PTK2: variants seen among roughly 807,000 people sequenced by gnomAD.
PTK2 encodes protein tyrosine kinase 2.
A neutral mutation model predicts 150.1 loss-of-function variants in PTK2; 45 were observed. That is an observed-to-expected ratio of 0.30 (90% confidence interval 0.24 to 0.38). The LOEUF is 0.38. Ranked by LOEUF, PTK2 falls within the 10% of genes least tolerant of loss-of-function variation. The pLI, the probability that PTK2 is intolerant of heterozygous loss-of-function variation, is 1.00. For synonymous variants in PTK2, 432 were observed against 449.2 expected (o/e 0.96, Z 0.48); for missense variants, 919 against 1,307.3 (o/e 0.70, Z 4.58).
chr8:140,792,250 G>C (rs1023478868), intron 13 of PTK2, among the ~76,000 whole-genome samples: 1 of 152,190 alleles, frequency 6.6e-6, no homozygotes, highest in African/African-American at 2.4e-5. Context: ...TTCCTTCTGG[G>C]AGTCTGGTAT....
chr8:140,969,497 T>C (rs1348829983), intron 1 of PTK2, among the ~76,000 whole-genome samples: 1 of 152,232 alleles, frequency 6.6e-6, no homozygotes, highest in Non-Finnish European at 1.5e-5. Context: ...CAATGGTCAA[T>C]ACTTAGATAT....
chr8:140,928,287 T>C (rs1363428781), intron 1 of PTK2, among the ~76,000 whole-genome samples: 1 of 152,184 alleles, frequency 6.6e-6, no homozygotes, highest in African/African-American at 2.4e-5. Context: ...TAGCTGCTAC[T>C]TTTTTAAAAA....
intron 14 of PTK2, among the ~76,000 whole-genome samples, chr8:140,765,542 T>C (rs990938543): frequency 1.3e-5 from 2 of 152,234 alleles, no homozygotes; most frequent in Admixed American, 1.3e-4. Context: ...AAGACAGTTA[T>C]TATCTGTAAA....
chr8:140,992,727 T>G (rs2100196221), intron 1 of PTK2, among the ~76,000 whole-genome samples: 1 of 152,144 alleles, frequency 6.6e-6, no homozygotes, highest in Admixed American at 6.5e-5. Flanking sequence ...CTGCAAAATC[T>G]CAGGGAGAGA....
At chr8:140,864,659 G>A (rs1181185983) in intron 4 of PTK2, among the ~76,000 whole-genome samples, 4 of 152,060 alleles carry the variant, frequency 2.6e-5, no homozygotes, top group African/African-American at 4.8e-5. Flanking sequence ...CCAACCCATG[G>A]GTCATTCTCC....
intron 2 of PTK2, among the ~76,000 whole-genome samples, chr8:140,902,268 C>G (rs369280528): frequency 6.6e-6 from 1 of 151,896 alleles, no homozygotes; most frequent in Non-Finnish European, 1.5e-5. Flanking sequence ...CTCCTGACAT[C>G]AGGCGATCCA....
intron 10 of PTK2, among the ~76,000 whole-genome samples, chr8:140,805,825 T>G (rs2100097867): frequency 6.6e-6 from 1 of 152,166 alleles, no homozygotes; most frequent in Admixed American, 6.5e-5. Flanking sequence ...TGTCCCTACC[T>G]GAAAGCCAGA....
At chr8:140,777,864 T>C (rs1566150862) in intron 14 of PTK2, among the ~76,000 whole-genome samples, 1 of 152,208 alleles carries the variant, frequency 6.6e-6, no homozygotes, top group Non-Finnish European at 1.5e-5. Context: ...TCAGGAAGCC[T>C]GACTATGTGT....
At chr8:140,868,440 AAG>A (rs1421123670) in intron 4 of PTK2, among the ~76,000 whole-genome samples, 1 of 152,350 alleles carries the variant, frequency 6.6e-6, no homozygotes, top group Admixed American at 6.5e-5. Flanking sequence ...AATGAATGCT[AAG>A]ATCAGTGGGT....
chr8:140,837,846 G>T (rs1297097431), intron 7 of PTK2, among the ~76,000 whole-genome samples: 3 of 152,152 alleles, frequency 2.0e-5, no homozygotes, highest in Admixed American at 6.5e-5. Flanking sequence ...ATCACTTGAG[G>T]TCAGGAGTTC....
chr8:140,694,476 C>T, intron 26 of PTK2, among the ~76,000 whole-genome samples: 1 of 152,122 alleles, frequency 6.6e-6, no homozygotes, highest in Non-Finnish European at 1.5e-5. Context: ...TATTGGTCTG[C>T]AACGGTTTAG....
intron 22 of PTK2, among the ~76,000 whole-genome samples, chr8:140,722,958 CAG>C (rs955012945): frequency 5.3e-5 from 8 of 152,188 alleles, no homozygotes; most frequent in African/African-American, 1.9e-4. Flanking sequence ...TTATTTCACA[CAG>C]ATTGTTTTGT....
intron 10 of PTK2, among the ~76,000 whole-genome samples, chr8:140,809,848 C>A (rs895705937): frequency 1.3e-5 from 2 of 152,192 alleles, no homozygotes; most frequent in Non-Finnish European, 2.9e-5. Flanking sequence ...AAGATAAACA[C>A]CTGCCGTTTA....
intron 1 of PTK2, among the ~76,000 whole-genome samples, chr8:140,948,286 C>T (rs1468584488): frequency 6.6e-6 from 1 of 152,004 alleles, no homozygotes; most frequent in Non-Finnish European, 1.5e-5. Flanking sequence ...CATGAGCAGT[C>T]CCCAGAACAC....
chr8:140,802,543 A>G (rs776964624), intron 11 of PTK2, among the ~76,000 whole-genome samples: 10 of 152,196 alleles, frequency 6.6e-5, no homozygotes, highest in Non-Finnish European at 1.5e-4. Context: ...TGGTGTGTAC[A>G]GTGTTTATAG....
intron 1 of PTK2, chr8:141,000,846 C>G: frequency 6.6e-6 from 1 of 152,032 alleles, no homozygotes; most frequent in Non-Finnish European, 1.5e-5. Flanking sequence ...CCACCCAGCG[C>G]CCCGAACCCC....
chr8:140,771,532 T>C (rs575700925), intron 14 of PTK2: 2 of 152,322 alleles, frequency 1.3e-5, no homozygotes, highest in Admixed American at 6.5e-5. Context: ...TGCAGGGATG[T>C]AGCCCTTTAA....
chr8:140,721,096 A>G (rs1230239398), intron 22 of PTK2, among the ~76,000 whole-genome samples: 1 of 150,658 alleles, frequency 6.6e-6, no homozygotes, highest in Admixed American at 6.6e-5. Context: ...TTTAAAAGAG[A>G]TGGAATGGTA....
At chr8:140,735,164 T>C in intron 22 of PTK2, 87 bp downstream of exon 25, 1 of 1,283,858 alleles carries the variant, frequency 7.8e-7, no homozygotes, top group Non-Finnish European at 1.1e-6. Context: ...CATACTGATA[T>C]AATGACCTTA....
Sources: allele counts gnomAD v4.1 joint callset (sites outside exome capture counted in the v4.1 genomes callset), GRCh38; gene constraint gnomAD v4.1.1; transcripts MANE v1.5; gene names NCBI Gene and HGNC (gene_info 2026-07-23, HGNC 2026-07-21).